Variants in UBE2N observed in about 807,000 individuals in gnomAD.
UBE2N encodes ubiquitin conjugating enzyme E2 N.
For synonymous variants in UBE2N, 70 were observed against 69.2 expected (o/e 1.01, Z -0.06); for missense variants, 60 against 192.1 (o/e 0.31, Z 4.07).
At chr12:93,419,345 G>A (rs936850770) in intron 1 of UBE2N, among the ~76,000 whole-genome samples, 3 of 151,694 alleles carry the variant, frequency 2.0e-5, no homozygotes, top group Non-Finnish European at 2.9e-5. Flanking sequence ...AGCCGAGATC[G>A]TGCCACTGCA....
intron 1 of UBE2N, among the ~76,000 whole-genome samples, chr12:93,429,652 C>T (rs1004107604): frequency 6.6e-6 from 1 of 151,834 alleles, no homozygotes; most frequent in Non-Finnish European, 1.5e-5. Flanking sequence ...CAGGAGATGA[C>T]AGCTCCATGT....
chr12:93,437,189 G>C (rs1428622133), intron 1 of UBE2N, among the ~76,000 whole-genome samples: 1 of 151,386 alleles, frequency 6.6e-6, no homozygotes, highest in African/African-American at 2.4e-5. Context: ...AAAAAAAAAA[G>C]AGCCAAAGCA....
chr12:93,410,986 C>G, intron 2 of UBE2N, 67 bp downstream of exon 2: 1 of 1,613,636 alleles, frequency 6.2e-7, no homozygotes, highest in Non-Finnish European at 8.5e-7. Context: ...ACATTCTAAA[C>G]ATGGAATGCT....
intron 1 of UBE2N, among the ~76,000 whole-genome samples, chr12:93,429,787 A>G (rs1878703325): frequency 6.6e-6 from 1 of 152,144 alleles, no homozygotes; most frequent in South Asian, 2.1e-4. Context: ...GTTTTTTTAA[A>G]AAAGATTGTA....
intron 1 of UBE2N, among the ~76,000 whole-genome samples, chr12:93,418,115 C>T (rs886866486): frequency 6.6e-6 from 1 of 151,834 alleles, no homozygotes; most frequent in African/African-American, 2.4e-5. Context: ...AGACGTGAGC[C>T]ACCACACTTG....
At chr12:93,440,764 T>A (rs55827075) in intron 1 of UBE2N, among the ~76,000 whole-genome samples, 12,482 of 152,264 alleles carry the variant, frequency 0.082, 1,619 homozygotes, top group African/African-American at 0.28. Context: ...GTTTAGTTGT[T>A]GTGATGACAA....
Position 93,409,046 on chromosome 12 carries a change from T to C in UBE2N, c.*993A>G, listed in dbSNP as rs2121050853. 6.5e-6 allele frequency: 1 copy of C among 152,786 alleles called. No homozygotes were observed. The highest frequency in any genetic ancestry group is 2.1e-4 in the South Asian group (1 of 4,830). 9.5% of individuals were successfully genotyped at this position (152,786 alleles called of 1,614,324 possible). ...CCTGTACAGTAATTTTTAAACATTG[T>C]GGCAAGACACCAATGATCATCTAAT... On this transcript the variant is annotated 3_prime_UTR_variant, in exon 4 of 4. Coordinates refer to ENST00000318066, the MANE Select transcript of UBE2N (RefSeq NM_003348.4).
At chr12:93,430,811 T>C (rs1328902887) in intron 1 of UBE2N, among the ~76,000 whole-genome samples, 3 of 148,028 alleles carry the variant, frequency 2.0e-5, no homozygotes, top group South Asian at 4.2e-4. Flanking sequence ...TTTATATATA[T>C]ATAAAAAATT....
At chr12:93,424,881 A>G (rs879564142) in intron 1 of UBE2N, among the ~76,000 whole-genome samples, 4 of 152,194 alleles carry the variant, frequency 2.6e-5, no homozygotes, top group Admixed American at 6.5e-5. Context: ...TGCTTTCACA[A>G]AATCTATGCC....
intron 1 of UBE2N, among the ~76,000 whole-genome samples, chr12:93,430,373 C>T (rs1238582249): frequency 3.3e-5 from 5 of 152,074 alleles, no homozygotes; most frequent in Non-Finnish European, 7.4e-5. Context: ...CAGAAAGTAA[C>T]TCCATCGTTA....
chr12:93,417,130 T>G (rs1878242412), intron 1 of UBE2N, among the ~76,000 whole-genome samples: 1 of 152,204 alleles, frequency 6.6e-6, no homozygotes, highest in African/African-American at 2.4e-5. Context: ...GGTATGGATT[T>G]AAATGTCCAC....
intron 1 of UBE2N, among the ~76,000 whole-genome samples, chr12:93,419,597 T>C (rs1204258026): frequency 6.6e-6 from 1 of 152,218 alleles, no homozygotes; most frequent in Admixed American, 6.5e-5. Context: ...TTTTAATTTT[T>C]ACAGTACACA....
chr12:93,420,358 T>C (rs1212275874), intron 1 of UBE2N, among the ~76,000 whole-genome samples: 2 of 152,166 alleles, frequency 1.3e-5, no homozygotes, highest in East Asian at 3.8e-4. Flanking sequence ...TGAAGCTCAG[T>C]GAAAAGGAAT....
intron 1 of UBE2N, among the ~76,000 whole-genome samples, chr12:93,423,337 G>A (rs73366060): frequency 7.9e-5 from 12 of 152,296 alleles, no homozygotes; most frequent in African/African-American, 2.9e-4. Flanking sequence ...AAACTCAATA[G>A]GAAAGGAAGT....
At chr12:93,430,667 CTG>C (rs891376338) in intron 1 of UBE2N, among the ~76,000 whole-genome samples, 3 of 151,594 alleles carry the variant, frequency 2.0e-5, no homozygotes, top group Non-Finnish European at 4.4e-5. Flanking sequence ...AATCCCAACA[CTG>C]TGGGAGGCTG....
chr12:93,434,044 G>A (rs1318674326), intron 1 of UBE2N, among the ~76,000 whole-genome samples: 1 of 152,196 alleles, frequency 6.6e-6, no homozygotes, highest in Non-Finnish European at 1.5e-5. Flanking sequence ...CGTAGTCCCA[G>A]CACTTTAGGA....
At chr12:93,424,557 C>A (rs1325069445) in intron 1 of UBE2N, among the ~76,000 whole-genome samples, 1 of 152,190 alleles carries the variant, frequency 6.6e-6, no homozygotes, top group Non-Finnish European at 1.5e-5. Flanking sequence ...AATTAGGAAA[C>A]ATGAAAGCAT....
At chr12:93,427,941 G>A (rs1361286839) in intron 1 of UBE2N, among the ~76,000 whole-genome samples, 6 of 152,060 alleles carry the variant, frequency 3.9e-5, no homozygotes, top group Admixed American at 3.9e-4. Context: ...TTTGAGATAG[G>A]ATCTTGCTCT....
intron 1 of UBE2N, among the ~76,000 whole-genome samples, chr12:93,420,201 T>C (rs143681962): frequency 7.2e-5 from 11 of 152,288 alleles, no homozygotes; most frequent in African/African-American, 2.6e-4. Flanking sequence ...TGGGAAAAGC[T>C]TTATTTATGG....
Sources: gnomAD v4.1 joint callset for allele counts (sites outside exome capture counted in the v4.1 genomes callset) on GRCh38, gnomAD v4.1.1 for gene constraint, MANE v1.5 for transcripts, NCBI Gene and HGNC (gene_info 2026-07-23, HGNC 2026-07-21) for gene names.